Variants in RYR3 observed in about 807,000 individuals in gnomAD.
RYR3 encodes the protein ryanodine receptor 3.
Under a neutral mutation model 584.3 loss-of-function variants are expected in RYR3, and 207 were observed. The observed-to-expected ratio is 0.35, with a 90% CI of 0.32 to 0.40. The LOEUF (loss-of-function observed/expected upper bound fraction) is 0.40, where lower values mean the gene tolerates loss of function less well. Among genes scored for constraint, RYR3 ranks in the 10% least tolerant of loss-of-function variants. RYR3 has a pLI of 1.00. For missense variants in RYR3, 5,616 were observed against 6,089.2 expected (o/e 0.92, Z 2.59); for synonymous variants, 2,416 against 2,248.5 (o/e 1.07, Z -2.11).
At chr15:33,564,032 T>C (rs2057560796) in intron 11 of RYR3, among the ~76,000 whole-genome samples, 1 of 152,202 alleles carries the variant, frequency 6.6e-6, no homozygotes, top group Non-Finnish European at 1.5e-5. Context: ...CACAAAATAT[T>C]GCACATAGAA....
intron 98 of RYR3, chr15:33,855,759 T>G (rs543619906): frequency 1.3e-5 from 2 of 152,202 alleles, no homozygotes; most frequent in Non-Finnish European, 2.9e-5. Flanking sequence ...ATACATATTA[T>G]ATAGTTAATA....
At position 33,623,911 on chromosome 15, in the gene RYR3, T is replaced by C. The variant is rs1161050282; in HGVS notation, c.2462T>C (p.Leu821Ser). 2 of 1,613,938 alleles carry C rather than the reference T, an allele frequency of 1.2e-6. No homozygotes were observed. The highest frequency in any genetic ancestry group is 1.1e-5 in the South Asian group (1 of 91,088). Reference sequence around the variant, plus strand: ...TTACTTCCAAAAGAGAAGATGAGATTGGAGCCTGTCAAAGAATATAAACGT... The same window carrying C: ...TTACTTCCAAAAGAGAAGATGAGATCGGAGCCTGTCAAAGAATATAAACGT... The part of the protein sequence containing the change: ...EALLPKEKMR[L>S]EPVKEYKRDA... The change falls in exon 20 of 104, where the codon TTG (leucine) becomes TCG (serine). Residue 821 changes from leucine (L) to serine (S), a missense_variant. By Grantham distance (145) the Leu-to-Ser change is moderately radical. Transcript: ENST00000634891.
Position 33,404,663 on chromosome 15 carries a change from G to A in RYR3, c.52-68756G>A, listed in dbSNP as rs143517665. Among the ~76,000 whole-genome samples, 815 of 151,376 alleles carry A rather than the reference G, an allele frequency of 5.4e-3. 7 individuals are homozygous for A. Among genetic ancestry groups the A allele is most frequent in the African/African-American group, 0.019 (777 of 41,190 alleles). On this transcript the variant is annotated intron_variant, in intron 1 of 103. Coordinates refer to ENST00000634891, the MANE Select transcript of RYR3 (RefSeq NM_001036.6). The stretch of plus-strand genomic sequence containing the variant: ...CTTTTCAAAGTATACAAGTCGAGAA[G>A]CTGAGAAGCATTAACCACTACAACA...
intron 53 of RYR3, among the ~76,000 whole-genome samples, chr15:33,747,484 G>T (rs796249723): frequency 1.3e-4 from 18 of 137,080 alleles, no homozygotes; most frequent in African/African-American, 5.1e-4. Flanking sequence ...GAGTGCTGTG[G>T]TGCAATCTTG....
In RYR3 at chr15:33,613,384, T is replaced by C. The variant is rs750633157; in HGVS notation, c.2357+9T>C. The C allele has an allele frequency of 6.3e-7, 1 of 1,584,782 alleles. No homozygotes were observed. The highest frequency in any genetic ancestry group is 8.6e-7 in the Non-Finnish European group (1 of 1,164,300). On this transcript the variant is annotated intron_variant, in intron 19 of 103. Coordinates refer to ENST00000634891, the MANE Select transcript of RYR3 (RefSeq NM_001036.6). Reference sequence around the variant, plus strand: ...TTTTCAGCAGGTGTCAAGTAAGTTATGGCTGTGATTTCATGGAGAGTAGCA... The same window carrying C: ...TTTTCAGCAGGTGTCAAGTAAGTTACGGCTGTGATTTCATGGAGAGTAGCA...
intron 8 of RYR3, among the ~76,000 whole-genome samples, chr15:33,547,026 A>G (rs977888822): frequency 6.6e-6 from 1 of 152,198 alleles, no homozygotes; most frequent in African/African-American, 2.4e-5. Flanking sequence ...GATTCAGTAT[A>G]CCAGGTAATC....
At chr15:33,418,770 A>G (rs1007869098) in intron 1 of RYR3, among the ~76,000 whole-genome samples, 1 of 152,174 alleles carries the variant, frequency 6.6e-6, no homozygotes, top group African/African-American at 2.4e-5. Flanking sequence ...AGATAAAGCC[A>G]AGGGGACACA....
chr15:33,726,181 C>T (rs1371629245), intron 45 of RYR3, among the ~76,000 whole-genome samples: 1 of 152,058 alleles, frequency 6.6e-6, no homozygotes, highest in Non-Finnish European at 1.5e-5. Context: ...CGTCTTTAGT[C>T]AGTTATTTCA....
chr15:33,319,824 A>C (rs1308655819), intron 1 of RYR3, among the ~76,000 whole-genome samples: 1 of 152,186 alleles, frequency 6.6e-6, no homozygotes, highest in Non-Finnish European at 1.5e-5. Context: ...TATTCCCTGA[A>C]AATGTTTCCG....
chr15:33,688,005 A>G (rs191320226), intron 38 of RYR3, among the ~76,000 whole-genome samples: 2 of 152,368 alleles, frequency 1.3e-5, no homozygotes, highest in East Asian at 3.9e-4. Flanking sequence ...AAGCATGGGT[A>G]AGGACTTCAT....
At chr15:33,345,661 G>C (rs1007094155) in intron 1 of RYR3, among the ~76,000 whole-genome samples, 5 of 152,206 alleles carry the variant, frequency 3.3e-5, no homozygotes, top group African/African-American at 1.2e-4. Flanking sequence ...CTGGGTCCCA[G>C]CAGAGCAGAA....
At chr15:33,341,376 T>G (rs1363159807) in intron 1 of RYR3, among the ~76,000 whole-genome samples, 1 of 146,786 alleles carries the variant, frequency 6.8e-6, no homozygotes, top group Non-Finnish European at 1.5e-5. Flanking sequence ...TGTTTTCAGA[T>G]GCTGCTGCTG....
chr15:33,539,656 G>GA (rs2055644695), intron 6 of RYR3, among the ~76,000 whole-genome samples, 194 bp downstream of exon 6: 1 of 152,072 alleles, frequency 6.6e-6, no homozygotes, highest in Non-Finnish European at 1.5e-5. Context: ...TGTAACTTTC[G>GA]ACTCCTAAAA....
At chr15:33,407,980 G>GA (rs60482512) in intron 1 of RYR3, among the ~76,000 whole-genome samples, 3,894 of 147,238 alleles carry the variant, frequency 0.026, 81 homozygotes, top group Non-Finnish European at 0.039. Flanking sequence ...TTTGGAAAAG[G>GA]AAAAAAAAAT....
At chr15:33,430,951 C>T (rs1440526372) in intron 1 of RYR3, among the ~76,000 whole-genome samples, 1 of 152,112 alleles carries the variant, frequency 6.6e-6, no homozygotes, top group Non-Finnish European at 1.5e-5. Flanking sequence ...CTTTCTTACC[C>T]TTTATTTTTT....
At chr15:33,509,724 A>T (rs1015663382) in intron 3 of RYR3, among the ~76,000 whole-genome samples, 1 of 152,162 alleles carries the variant, frequency 6.6e-6, no homozygotes, top group African/African-American at 2.4e-5. Flanking sequence ...CTAGGTGTTA[A>T]AAGCCTGAAT....
At chr15:33,786,763 C>T (rs2074747389) in intron 66 of RYR3, among the ~76,000 whole-genome samples, 1 of 152,158 alleles carries the variant, frequency 6.6e-6, no homozygotes, top group Admixed American at 6.5e-5. Flanking sequence ...ATATAATCTC[C>T]TGGACATGAA....
intron 2 of RYR3, among the ~76,000 whole-genome samples, chr15:33,484,400 T>C (rs1249611491): frequency 6.6e-6 from 1 of 152,104 alleles, no homozygotes; most frequent in Non-Finnish European, 1.5e-5. Flanking sequence ...CAATTTAATT[T>C]CCTCTCTAAT....
At chr15:33,338,072 G>A (rs1971360244) in intron 1 of RYR3, among the ~76,000 whole-genome samples, 1 of 150,394 alleles carries the variant, frequency 6.6e-6, no homozygotes, top group Admixed American at 6.7e-5. Context: ...AGCCTCCCGA[G>A]TAGCTGGGAC....
Sources: gnomAD v4.1 joint callset for allele counts (sites outside exome capture counted in the v4.1 genomes callset) on GRCh38, gnomAD v4.1.1 for gene constraint, MANE v1.5 for transcripts, NCBI Gene and HGNC (gene_info 2026-07-23, HGNC 2026-07-21) for gene names.